The following CCT6B variants were observed in gnomAD, a reference collection of about 807,000 sequenced individuals.
CCT6B encodes the protein probable T-complex protein 1 subunit zeta-2.
A neutral mutation model predicts 61.5 loss-of-function variants in CCT6B; 49 were observed. The observed-to-expected ratio is 0.80, with a 90% CI of 0.63 to 1.01. The LOEUF is 1.01. CCT6B is among the 50% of genes least tolerant of loss of function. The pLI is 0.00. For synonymous variants in CCT6B, 228 were observed against 214.5 expected, an observed-to-expected ratio of 1.06 and a Z score of -0.55; for missense variants, 666 against 634.7, an observed-to-expected ratio of 1.05 and a Z score of -0.53.
intron 12 of CCT6B, 110 bp from the exon 13 acceptor site, chr17:34,929,144 C>T (rs1285569776): frequency 3.0e-6 from 2 of 667,618 alleles, no homozygotes; most frequent in Admixed American, 5.0e-5. Flanking sequence ...TTGTCAAGGT[C>T]ATCAATGACC....
chr17:34,939,096 T>G, intron 10 of CCT6B, 87 bp downstream of exon 10: 1 of 1,110,442 alleles, frequency 9.0e-7, no homozygotes, highest in Non-Finnish European at 1.3e-6. Context: ...AATATACATA[T>G]ATACATACAT....
At chr17:34,960,059 C>T (rs1369588895) in intron 1 of CCT6B, among the ~76,000 whole-genome samples, 1 of 152,188 alleles carries the variant, frequency 6.6e-6, no homozygotes, top group Non-Finnish European at 1.5e-5. Flanking sequence ...ATTCTACTAC[C>T]TAAATATCTC....
Position 34,952,050 on chromosome 17 carries a change from C to T in CCT6B, c.514G>A (p.Val172Met). 2 of 1,587,302 alleles carry T rather than the reference C, an allele frequency of 1.3e-6. No individual in the cohort carries two copies. Among genetic ancestry groups the T allele is most frequent in the Non-Finnish European group, 1.7e-6 (2 of 1,156,868 alleles). ...CTAACAGCCAAAACAGAATCCACCA[C>T]AACCTGAAAGAGAAATGAATGAGAA... ...AELADVLTEV[V>M]VDSVLAVRRP... The change falls in exon 5 of 14, where the codon GTG becomes ATG. Residue 172 changes from valine (V) to methionine (M), a missense_variant. Transcript: ENST00000314144.
At chr17:34,943,094 C>G in intron 5 of CCT6B, 188 bp from the exon 6 acceptor site, 1 of 479,406 alleles carries the variant, frequency 2.1e-6, no homozygotes, top group South Asian at 3.2e-5. Flanking sequence ...GATGTCCAGG[C>G]TGGCCACGAA....
At chr17:34,960,539 T>C (rs1263105789) in intron 1 of CCT6B, among the ~76,000 whole-genome samples, 1 of 152,218 alleles carries the variant, frequency 6.6e-6, no homozygotes, top group Non-Finnish European at 1.5e-5. Flanking sequence ...TATATGCATC[T>C]ATATATAATT....
chr17:34,933,585 A>T (rs552271918), intron 10 of CCT6B, among the ~76,000 whole-genome samples: 13 of 152,342 alleles, frequency 8.5e-5, no homozygotes, highest in Admixed American at 7.8e-4. Context: ...TACTCAAAAG[A>T]ATATTTATAT....
At chr17:34,941,065 G>A (rs935869830) in intron 7 of CCT6B, among the ~76,000 whole-genome samples, 1 of 152,078 alleles carries the variant, frequency 6.6e-6, no homozygotes, top group African/African-American at 2.4e-5. Context: ...ATTGTAAAGG[G>A]AGTAATATTT....
intron 4 of CCT6B, among the ~76,000 whole-genome samples, chr17:34,952,699 T>C (rs2090305164): frequency 6.6e-6 from 1 of 152,186 alleles, no homozygotes; most frequent in Non-Finnish European, 1.5e-5. Context: ...CAACACGTCT[T>C]ATTGCTTAGC....
rs1266414061 is a variant in CCT6B, at chr17:34,955,527, A to AT, written c.337-929dup. Among the ~76,000 whole-genome samples the AT allele has an allele frequency of 2.6e-5, 4 of 152,212 alleles. No individual in the cohort carries two copies. In the East Asian group the frequency reaches 7.7e-4, roughly 29 times the overall value. On this transcript the variant is annotated intron_variant, in intron 3 of 13. Coordinates refer to ENST00000314144, the MANE Select transcript of CCT6B (RefSeq NM_006584.4). ...TGAGAGAAATGAAAATGCTTGAAGAATCTGGGTAAAAAGTATACAGGAATT... is the reference window on the plus strand; with the variant it reads ...TGAGAGAAATGAAAATGCTTGAAGAATTCTGGGTAAAAAGTATACAGGAATT...
At chr17:34,932,568 A>G in intron 10 of CCT6B, 68 bp from the exon 11 acceptor site, 5 of 1,408,648 alleles carry the variant, frequency 3.5e-6, no homozygotes, top group South Asian at 2.7e-5. Context: ...AGAGACAGAA[A>G]AGCAATTCAC....
In CCT6B at chr17:34,939,291, G is replaced by A. The variant is rs1487072755; in HGVS notation, c.1105C>T (p.Pro369Ser). ...TTAACCAACAAGGTAACAGAGCAAG[G>A]GTTAACACACTCCTCAATAAAAGTG... ...KFTFIEECVN[P>S]CSVTLLVKGP... The change falls in exon 10 of 14, where the codon CCT (proline) becomes TCT (serine). Residue 369 changes from proline to serine, a missense_variant. Coordinates refer to ENST00000314144, the MANE Select transcript of CCT6B (RefSeq NM_006584.4). 3 of 1,613,444 alleles carry A rather than the reference G, an allele frequency of 1.9e-6. No homozygotes were observed. Among genetic ancestry groups the A allele is most frequent in the South Asian group, 1.1e-5 (1 of 91,008 alleles).
chr17:34,942,647 A>G lies in CCT6B; in HGVS notation c.726-4T>C, dbSNP rs763081669. ...AAAGAAACCAGAGTTCACCTCTCTA[A>G]AAGATTAATAAAAACCAGCTAGTAA... On this transcript the variant is annotated splice_polypyrimidine_tract_variant and splice_region_variant and intron_variant, in intron 6 of 13. Transcript: ENST00000314144. The G allele has an allele frequency of 6.3e-7, 1 of 1,574,948 alleles. No homozygotes were observed. Among genetic ancestry groups the G allele is most frequent in the East Asian group, 2.2e-5 (1 of 44,576 alleles).
Position 34,940,573 on chromosome 17 carries a change from C to T in CCT6B, c.934G>A (p.Ala312Thr). 1.3e-6 allele frequency: 2 copies of T among 1,583,902 alleles called. No homozygotes were observed. Among genetic ancestry groups the T allele is most frequent in the Non-Finnish European group, 1.7e-6 (2 of 1,162,920 alleles). ...TTTCTTCTTTTTGCTCTGCGAAGAG[C>T]TACTATTCCATGTTTTGCAAGAGAA... Reference protein sequence around the residue: ...LDSLAKHGIVALRRAKRRNME... With the variant: ...LDSLAKHGIVTLRRAKRRNME... Residue 312 changes from alanine (A) to threonine (T), a missense_variant, in exon 8 of 14, where the codon GCT (alanine) becomes ACT (threonine). Coordinates refer to ENST00000314144, the MANE Select transcript of CCT6B (RefSeq NM_006584.4).
chr17:34,957,705 A>G (rs890585063), intron 3 of CCT6B, among the ~76,000 whole-genome samples: 9 of 152,234 alleles, frequency 5.9e-5, no homozygotes, highest in Admixed American at 1.3e-4. Context: ...AACGAAACAC[A>G]GAGAATCATT....
intron 5 of CCT6B, among the ~76,000 whole-genome samples, chr17:34,947,669 G>A (rs1284959356): frequency 1.3e-5 from 2 of 152,148 alleles, no homozygotes; most frequent in Admixed American, 1.3e-4. Flanking sequence ...AATCCCAAAT[G>A]GAAGGCTGAG....
intron 10 of CCT6B, among the ~76,000 whole-genome samples, chr17:34,938,899 A>C (rs1185029798): frequency 6.6e-6 from 1 of 152,164 alleles, no homozygotes; most frequent in Admixed American, 6.5e-5. Context: ...CCTGGCCAAC[A>C]TGGCGAAACC....
intron 2 of CCT6B, among the ~76,000 whole-genome samples, chr17:34,959,075 A>G (rs1430146068): frequency 6.6e-6 from 1 of 151,722 alleles, no homozygotes; most frequent in Non-Finnish European, 1.5e-5. Context: ...CTAAGTATAC[A>G]AAGTATGTAT....
At position 34,942,796 on chromosome 17, in the gene CCT6B, G is replaced by A. The variant is rs1466214785; in HGVS notation, c.725C>T (p.Thr242Ile). ...ICNVSLEYEK[T>I]EVNSGFFYKT... Reference sequence around the variant, plus strand: ...GTTATAAAGAGAAAGTAACACGCACGTTTTTTCATATTCCAGTGAAACGTT... The same window carrying A: ...GTTATAAAGAGAAAGTAACACGCACATTTTTTCATATTCCAGTGAAACGTT... Residue 242 changes from threonine to isoleucine, a missense_variant and splice_region_variant, in exon 6 of 14, where the codon ACA becomes ATA. Thr to Ile is a moderately conservative substitution (Grantham distance 89). Coordinates refer to ENST00000314144, the MANE Select transcript of CCT6B (RefSeq NM_006584.4). 1.9e-6 allele frequency: 3 copies of A among 1,583,430 alleles called. No individual in the cohort carries two copies. Among genetic ancestry groups the A allele is most frequent in the East Asian group, 2.2e-5 (1 of 44,654 alleles).
intron 13 of CCT6B, 25 bp downstream of exon 13, chr17:34,928,937 T>C (rs768106153): frequency 2.3e-6 from 3 of 1,303,070 alleles, no homozygotes; most frequent in Non-Finnish European, 3.3e-6. Flanking sequence ...TACAGGTCTT[T>C]CACTTTATGT....
Sources: allele counts gnomAD v4.1 joint callset (sites outside exome capture counted in the v4.1 genomes callset), GRCh38; gene constraint gnomAD v4.1.1; transcripts MANE v1.5; gene names NCBI Gene and HGNC (gene_info 2026-07-23, HGNC 2026-07-21).